Variants in EPHA3 observed in about 807,000 individuals in gnomAD.
EPHA3 encodes ephrin type-A receptor 3.
Under a neutral mutation model 107.1 loss-of-function variants are expected in EPHA3, and 42 were observed. The ratio of observed to expected loss-of-function variants is 0.39; its 90% confidence interval spans 0.31 to 0.51. The LOEUF (loss-of-function observed/expected upper bound fraction) is 0.51, where lower values mean the gene tolerates loss of function less well. EPHA3 is among the 20% of genes least tolerant of loss of function. The pLI is 0.78. For synonymous variants in EPHA3, 461 were observed against 424.8 expected, an observed-to-expected ratio of 1.09 and a Z score of -1.05; for missense variants, 1,183 against 1,211.2, an observed-to-expected ratio of 0.98 and a Z score of 0.35.
At chr3:89,122,913 G>T (rs749399899) in intron 1 of EPHA3, among the ~76,000 whole-genome samples, 2 of 152,142 alleles carry the variant, frequency 1.3e-5, no homozygotes, top group Non-Finnish European at 2.9e-5. Flanking sequence ...CAATACTAAT[G>T]AGCAATTTTA....
chr3:89,385,700 A>C (rs1380180695), intron 5 of EPHA3, among the ~76,000 whole-genome samples: 1 of 152,174 alleles, frequency 6.6e-6, no homozygotes, highest in Admixed American at 6.5e-5. Context: ...AAAAATGTGG[A>C]AGCAACTTAG....
chr3:89,143,468 T>A (rs1704473754), intron 2 of EPHA3, among the ~76,000 whole-genome samples: 1 of 151,474 alleles, frequency 6.6e-6, no homozygotes, highest in Admixed American at 6.6e-5. Flanking sequence ...AGTATACTAG[T>A]GTGTTTTGTC....
At chr3:89,206,643 G>C (rs1431078307) in intron 2 of EPHA3, among the ~76,000 whole-genome samples, 1 of 152,104 alleles carries the variant, frequency 6.6e-6, no homozygotes, top group East Asian at 1.9e-4. Flanking sequence ...GGAGCACCAA[G>C]TCTGTTGACT....
intron 2 of EPHA3, among the ~76,000 whole-genome samples, chr3:89,179,720 G>T (rs192560006): frequency 6.7e-6 from 1 of 150,346 alleles, no homozygotes; most frequent in African/African-American, 2.4e-5. Flanking sequence ...TCCTTGTCTA[G>T]CTCCTTTTTC....
At chr3:89,215,630 G>A (rs1704205531) in intron 3 of EPHA3, among the ~76,000 whole-genome samples, 1 of 151,840 alleles carries the variant, frequency 6.6e-6, no homozygotes, top group South Asian at 2.1e-4. Context: ...TAATGAATAA[G>A]TTAAATGATC....
intron 15 of EPHA3, among the ~76,000 whole-genome samples, chr3:89,452,986 C>G (rs1410755232): frequency 6.6e-6 from 1 of 152,018 alleles, no homozygotes; most frequent in Non-Finnish European, 1.5e-5. Flanking sequence ...GTAGGAATCA[C>G]TATGATTGAA....
intron 15 of EPHA3, among the ~76,000 whole-genome samples, chr3:89,454,275 G>A (rs1710055094): frequency 6.6e-6 from 1 of 151,908 alleles, no homozygotes; most frequent in Non-Finnish European, 1.5e-5. Flanking sequence ...TCAAATAATG[G>A]ACTCACAGAC....
At chr3:89,326,103 A>G (rs1297396644) in intron 3 of EPHA3, among the ~76,000 whole-genome samples, 1 of 151,332 alleles carries the variant, frequency 6.6e-6, no homozygotes, top group East Asian at 1.9e-4. Context: ...TTAATTATAT[A>G]TATTATTATA....
rs191581645 is a variant in EPHA3 at position 89,480,955 on chromosome 3, T to C, written c.*1453T>C. The C allele has an allele frequency of 1.7e-5, 4 of 231,752 alleles. No homozygotes were observed. Among genetic ancestry groups the C allele is most frequent in the African/African-American group, 2.2e-5 (1 of 45,274 alleles). 14.4% of individuals were successfully genotyped at this position (231,752 alleles called of 1,614,324 possible). A position where few individuals can be genotyped will look rare whatever the true frequency, so the allele number is the denominator to read the frequency against. Reference sequence around the variant, plus strand: ...AGAGAAATTTCTCATCACAGGGATTTAGACTTACTATTACATAAAGGCTAA... The same window carrying C: ...AGAGAAATTTCTCATCACAGGGATTCAGACTTACTATTACATAAAGGCTAA... On this transcript the variant is annotated 3_prime_UTR_variant, in exon 17 of 17. Coordinates refer to ENST00000336596, the MANE Select transcript of EPHA3 (RefSeq NM_005233.6).
At chr3:89,133,310 C>T (rs989120264) in intron 2 of EPHA3, among the ~76,000 whole-genome samples, 1 of 152,176 alleles carries the variant, frequency 6.6e-6, no homozygotes, top group Non-Finnish European at 1.5e-5. Flanking sequence ...CAAAAGTTCG[C>T]ATACAATCTT....
intron 5 of EPHA3, among the ~76,000 whole-genome samples, chr3:89,392,175 C>T (rs1298544710): frequency 2.0e-5 from 3 of 152,166 alleles, no homozygotes; most frequent in African/African-American, 7.2e-5. Flanking sequence ...CGCAGTGGCT[C>T]ACTCCTGTAA....
chr3:89,143,287 G>C (rs1037390861), intron 2 of EPHA3, among the ~76,000 whole-genome samples: 1 of 151,476 alleles, frequency 6.6e-6, no homozygotes, highest in Non-Finnish European at 1.5e-5. Flanking sequence ...ATAGAAAGCT[G>C]TCATGTTAAT....
At chr3:89,184,350 A>G (rs563156768) in intron 2 of EPHA3, among the ~76,000 whole-genome samples, 3 of 151,936 alleles carry the variant, frequency 2.0e-5, no homozygotes, top group Non-Finnish European at 2.9e-5. Context: ...AGTTACAGGG[A>G]TTTCTTGGCA....
chr3:89,118,775 A>G (rs1168867629), intron 1 of EPHA3, among the ~76,000 whole-genome samples: 4 of 151,966 alleles, frequency 2.6e-5, no homozygotes, highest in Non-Finnish European at 5.9e-5. Context: ...TTGAAAAAAA[A>G]TATCTGCTAG....
At chr3:89,305,674 ACCAATTTTAGTGTTGACC>A (rs1414620246) in intron 3 of EPHA3, among the ~76,000 whole-genome samples, 2 of 152,060 alleles carry the variant, frequency 1.3e-5, no homozygotes, top group African/African-American at 4.8e-5. Flanking sequence ...AGTGTGTGCC[ACCAATTTTAGTGTTGACC>A]CCATTAACCC....
chr3:89,413,998 T>C (rs1445387017), intron 10 of EPHA3, among the ~76,000 whole-genome samples: 1 of 151,620 alleles, frequency 6.6e-6, no homozygotes, highest in Non-Finnish European at 1.5e-5. Context: ...AAAGTAAAAA[T>C]GAACCATGCT....
At chr3:89,223,425 G>T (rs1190341692) in intron 3 of EPHA3, among the ~76,000 whole-genome samples, 1 of 152,146 alleles carries the variant, frequency 6.6e-6, no homozygotes, top group Non-Finnish European at 1.5e-5. Flanking sequence ...ATGCTTGAAG[G>T]CTCATTGAGC....
At chr3:89,114,145 C>T (rs796185861) in intron 1 of EPHA3, among the ~76,000 whole-genome samples, 33 of 152,298 alleles carry the variant, frequency 2.2e-4, no homozygotes, top group African/African-American at 7.7e-4. Context: ...ATATTCCTCG[C>T]CATGGACAGG....
chr3:89,363,203 T>G (rs949516263), intron 5 of EPHA3, among the ~76,000 whole-genome samples: 2 of 150,374 alleles, frequency 1.3e-5, no homozygotes, highest in Non-Finnish European at 3.0e-5. Context: ...GAGAGAGAGA[T>G]AGAGAGGGGG....
Sources: allele counts gnomAD v4.1 joint callset (sites outside exome capture counted in the v4.1 genomes callset), GRCh38; gene constraint gnomAD v4.1.1; transcripts MANE v1.5; gene names NCBI Gene and HGNC (gene_info 2026-07-23, HGNC 2026-07-21).